The following KPTN variants were observed in gnomAD, a reference collection of about 807,000 sequenced individuals.
KPTN encodes KICSTOR complex protein kaptin.
A neutral mutation model predicts 52.6 loss-of-function variants in KPTN; 36 were observed. The observed-to-expected ratio is 0.68, with a 90% CI of 0.52 to 0.90. The LOEUF (loss-of-function observed/expected upper bound fraction) is 0.90, where lower values mean the gene tolerates loss of function less well. Ranked by LOEUF, KPTN falls within the 40% of genes least tolerant of loss-of-function variation. The pLI is 0.00. For missense variants in KPTN, 529 were observed against 576.2 expected (o/e 0.92, Z 0.84); for synonymous variants, 271 against 248.4 (o/e 1.09, Z -0.85).
At chr19:47,483,605 G>A in intron 1 of KPTN, 21 bp from the exon 2 acceptor site, 1 of 1,517,052 alleles carries the variant, frequency 6.6e-7, no homozygotes, top group South Asian at 1.2e-5. Context: ...AGAGTTCTAA[G>A]TTCAGTGTCA....
chr19:47,477,774 C>G lies in KPTN; in HGVS notation c.795G>C (p.Lys265Asn). The G allele has an allele frequency of 6.2e-7, 1 of 1,613,042 alleles. No individual in the cohort carries two copies. Among genetic ancestry groups the G allele is most frequent in the Non-Finnish European group, 8.5e-7 (1 of 1,179,196 alleles). Residue 265 changes from lysine to asparagine, a missense_variant, in exon 9 of 12, where the codon AAG becomes AAC. Physicochemically the swap from Lys to Asn is moderately conservative, Grantham distance 94. Transcript: ENST00000338134. Reference protein sequence around the residue: ...VFSLSAAKETKDRPLQDEYSV... With the variant: ...VFSLSAAKETNDRPLQDEYSV... The stretch of plus-strand genomic sequence containing the variant: ...TGTACTCATCTTGTAGTGGCCTGTC[C>G]TTGGTCTCTGGAGAAGAAACATGAA...
chr19:47,479,858 C>T lies in KPTN; in HGVS notation c.787+5G>A, dbSNP rs1340997762. On this transcript the variant is annotated splice_donor_5th_base_variant and intron_variant, in intron 8 of 11. Transcript: ENST00000338134. Reference sequence around the variant, plus strand: ...TCTCCCCATCCCCTCAAACCCAGAGCTCACCCTTGGCGGCCGAGAGGCTGA... The same window carrying T: ...TCTCCCCATCCCCTCAAACCCAGAGTTCACCCTTGGCGGCCGAGAGGCTGA... The T allele has an allele frequency of 1.2e-6, 2 of 1,612,296 alleles. No homozygotes were observed. Among genetic ancestry groups the T allele is most frequent in the Admixed American group, 1.7e-5 (1 of 59,962 alleles).
chr19:47,475,294 G>C lies in KPTN; in HGVS notation c.*122C>G. 1 of 1,263,618 alleles carries C rather than the reference G, an allele frequency of 7.9e-7. No homozygotes were observed. The highest frequency in any genetic ancestry group is 2.6e-5 in the East Asian group (1 of 37,970). The allele number at this position is 1,263,618 out of a possible 1,614,324, so 78.3% of individuals were successfully genotyped here. ...GGGTTAGCTGGGGCCCCAGGGCACAGCTTCACCACCCTGGGGAGGTCTGGG... is the reference window on the plus strand; with the variant it reads ...GGGTTAGCTGGGGCCCCAGGGCACACCTTCACCACCCTGGGGAGGTCTGGG... On this transcript the variant is annotated 3_prime_UTR_variant, in exon 12 of 12. Coordinates refer to ENST00000338134, the MANE Select transcript of KPTN (RefSeq NM_007059.4).
At chr19:47,481,355 A>C (rs752333068) in intron 4 of KPTN, among the ~76,000 whole-genome samples, 9 of 152,206 alleles carry the variant, frequency 5.9e-5, no homozygotes, top group Non-Finnish European at 1.2e-4. Flanking sequence ...GGATTCAGGA[A>C]TCGAATGTGG....
intron 2 of KPTN, 43 bp from the exon 3 acceptor site, chr19:47,483,422 G>A (rs758590859): frequency 6.2e-7 from 1 of 1,603,436 alleles, no homozygotes; most frequent in South Asian, 1.1e-5. Flanking sequence ...GGGGTGGCAG[G>A]AGGGATCCGG....
chr19:47,480,708 C>G, intron 6 of KPTN, 52 bp downstream of exon 6: 2 of 1,549,134 alleles, frequency 1.3e-6, no homozygotes, highest in Non-Finnish European at 1.8e-6. Flanking sequence ...CGCCCGATTT[C>G]TCTGATGTCA....
chr19:47,482,202 G>GCT (rs1967899276), intron 4 of KPTN, among the ~76,000 whole-genome samples: 1 of 152,146 alleles, frequency 6.6e-6, no homozygotes, highest in South Asian at 2.1e-4. Context: ...AAAGCATGAT[G>GCT]CTCCGGCCAG....
chr19:47,476,509 C>G, intron 11 of KPTN, 23 bp downstream of exon 11: 1 of 1,576,974 alleles, frequency 6.3e-7, no homozygotes, highest in Non-Finnish European at 8.6e-7. Flanking sequence ...CGACTCCCCT[C>G]CCACCCCAAG....
Position 47,482,982 on chromosome 19 carries a change from C to G in KPTN, c.449+179G>C. On this transcript the variant is annotated intron_variant, in intron 4 of 11. Transcript: ENST00000338134. ...TCAGCCTCTCAAAGTGCTGGGATTA[C>G]AGGTGTGAGCCACCGTGCCCGGCTG... 4.4e-6 allele frequency: 3 copies of G among 674,694 alleles called. 1 individual carries two copies. The South Asian group carries it at 5.0e-5, about 11-fold the overall frequency. The allele number at this position is 674,694 out of a possible 1,614,324, so 41.8% of individuals were successfully genotyped here.
At chr19:47,478,376 G>A (rs997115650) in intron 8 of KPTN, among the ~76,000 whole-genome samples, 3 of 151,690 alleles carry the variant, frequency 2.0e-5, no homozygotes, top group Non-Finnish European at 4.4e-5. Context: ...TCAAGAGTTC[G>A]AGACTAGCCT....
At chr19:47,482,478 C>G (rs1967911572) in intron 4 of KPTN, among the ~76,000 whole-genome samples, 2 of 110,554 alleles carry the variant, frequency 1.8e-5, no homozygotes, top group Non-Finnish European at 3.6e-5. Flanking sequence ...GAGCATCTAT[C>G]TCAAAAAAAA....
At chr19:47,478,437 G>C (rs1380321156) in intron 8 of KPTN, among the ~76,000 whole-genome samples, 1 of 151,634 alleles carries the variant, frequency 6.6e-6, no homozygotes, top group Non-Finnish European at 1.5e-5. Context: ...AATTAGCCTG[G>C]CATGATGGCA....
intron 9 of KPTN, 52 bp from the exon 10 acceptor site, chr19:47,476,990 C>A: frequency 6.5e-7 from 1 of 1,532,318 alleles, no homozygotes; most frequent in Non-Finnish European, 8.8e-7. Context: ...CAGTGCCCAG[C>A]ACCCTTGGCG....
At chr19:47,482,295 C>T (rs980044949) in intron 4 of KPTN, among the ~76,000 whole-genome samples, 1 of 152,078 alleles carries the variant, frequency 6.6e-6, no homozygotes, top group Non-Finnish European at 1.5e-5. Flanking sequence ...TCGAGACTAG[C>T]CTGGCCAACA....
rs754123019 is a variant in KPTN at position 47,480,785 on chromosome 19, G to A, written c.574C>T (p.Pro192Ser). ...FEEQPVENLF[P>S]ELTNLTSSVL... ...CTACTGGTCAGGTTCGTCAGCTCTGGGAAGAGGTTTTCCACGGGCTGTTCC... is the reference window on the plus strand; with the variant it reads ...CTACTGGTCAGGTTCGTCAGCTCTGAGAAGAGGTTTTCCACGGGCTGTTCC... The change falls in exon 6 of 12, where the codon CCA becomes TCA. Residue 192 changes from proline to serine, a missense_variant. Physicochemically the swap from Pro to Ser is moderately conservative, Grantham distance 74 (BLOSUM62 -1). Coordinates refer to ENST00000338134, the MANE Select transcript of KPTN (RefSeq NM_007059.4). 6 of 1,614,048 alleles carry A rather than the reference G, an allele frequency of 3.7e-6. No homozygotes were observed. The East Asian group carries it at 1.3e-4, about 36-fold the overall frequency.
chr19:47,484,367 T>A (rs921271887), upstream of KPTN: 4 of 606,166 alleles, frequency 6.6e-6, no homozygotes, highest in African/African-American at 1.9e-5. Flanking sequence ...GCGCCCGCGC[T>A]CTCTTCTCCT....
In KPTN at chr19:47,483,193, G is replaced by A; in HGVS notation, c.417C>T (p.Leu139=). The A allele has an allele frequency of 6.2e-7, 1 of 1,614,070 alleles. No homozygotes were observed. The change falls in exon 4 of 12, where the codon CTC becomes CTT. Residue 139 remains leucine (L), a synonymous_variant. Coordinates refer to ENST00000338134, the MANE Select transcript of KPTN (RefSeq NM_007059.4). ...SIAQSCLNLE[L]QFTPFQLCHA... ...GGCACAGCTGGAACGGAGTGAACTG[G>A]AGCTCCAGGTTCAGGCAGCTCTCTG...
Position 47,484,153 on chromosome 19 carries a change from C to T in KPTN, c.8G>A (p.Gly3Glu), listed in dbSNP as rs1967995208. 6.3e-7 allele frequency: 1 copy of T among 1,596,532 alleles called. No individual in the cohort carries two copies. Among genetic ancestry groups the T allele is most frequent in the Non-Finnish European group, 8.5e-7 (1 of 1,178,272 alleles). MM[G>E]EAAVAAGPCP... The stretch of plus-strand genomic sequence containing the variant: ...AGGCCCCGCGGCCACGGCCGCCTCC[C>T]CCATCATGCCCCTCAGTTAAGCACC... The change falls in exon 1 of 12, where the codon GGG becomes GAG. Residue 3 changes from glycine (G) to glutamate (E), a missense_variant. Gly to Glu is a moderately conservative substitution (Grantham distance 98). Coordinates refer to ENST00000338134, the MANE Select transcript of KPTN (RefSeq NM_007059.4).
intron 6 of KPTN, 38 bp downstream of exon 6, chr19:47,480,722 C>T (rs771514674): frequency 2.5e-6 from 4 of 1,585,918 alleles, no homozygotes; most frequent in Non-Finnish European, 3.5e-6. Context: ...GATGTCAGTG[C>T]CCCGGTCCCC....
Sources: gnomAD v4.1 joint callset for allele counts (sites outside exome capture counted in the v4.1 genomes callset) on GRCh38, gnomAD v4.1.1 for gene constraint, MANE v1.5 for transcripts, NCBI Gene and HGNC (gene_info 2026-07-23, HGNC 2026-07-21) for gene names.